SLFN12L: variants seen among roughly 807,000 people sequenced by gnomAD.
SLFN12L encodes schlafen family member 12 like.
SLFN12L carries 34 observed loss-of-function variants against 34.8 expected under a neutral mutation model. The observed-to-expected ratio is 0.98, with a 90% CI of 0.74 to 1.30. SLFN12L has a LOEUF of 1.30. SLFN12L is among the 50% of genes most tolerant of loss of function. SLFN12L has a pLI of 0.00. For missense variants in SLFN12L, 703 were observed against 696.2 expected, an observed-to-expected ratio of 1.01 and a Z score of -0.11; for synonymous variants, 259 against 247.5, an observed-to-expected ratio of 1.05 and a Z score of -0.44.
At chr17:35,501,903 G>T (rs1567671000) in intron 2 of SLFN12L, among the ~76,000 whole-genome samples, 1 of 152,040 alleles carries the variant, frequency 6.6e-6, no homozygotes, top group Non-Finnish European at 1.5e-5. Context: ...CAGTGGTTGA[G>T]AGAACAGCAG....
chr17:35,476,468 AGG>A (rs1491159528), intron 4 of SLFN12L, among the ~76,000 whole-genome samples: 134 of 87,746 alleles, frequency 1.5e-3, no homozygotes, highest in South Asian at 3.5e-3. Flanking sequence ...GAAGGAAGGA[AGG>A]AAGGAAGGAA....
intron 2 of SLFN12L, among the ~76,000 whole-genome samples, chr17:35,497,439 TAAAAAAGC>T (rs1294891004): frequency 6.6e-6 from 1 of 151,764 alleles, no homozygotes. Context: ...AATAATTTTT[TAAAAAAGC>T]AAAAAACAAA....
At chr17:35,515,126 T>A in intron 2 of SLFN12L, 1 of 628,666 alleles carries the variant, frequency 1.6e-6, no homozygotes, top group Admixed American at 1.8e-5. Flanking sequence ...TCGAAGTAGA[T>A]GCAGTACCCG....
Position 35,475,189 on chromosome 17 carries a change from C to T in SLFN12L, c.1573G>A (p.Ala525Thr), listed in dbSNP as rs761254048. The T allele has an allele frequency of 7.4e-6, 12 of 1,614,112 alleles. No homozygotes were observed. The highest frequency in any genetic ancestry group is 1.6e-4 in the Middle Eastern group (1 of 6,062). The change falls in exon 5 of 5, where the codon GCA (alanine) becomes ACA (threonine). Residue 525 changes from alanine to threonine, a missense_variant. Transcript: ENST00000628453. ...QTAQTLKQKL[A>T]KIGGYTKKVC... ...TTTTTAGTGTAACCACCAATTTTTGCCAGCTTCTGTTTTAAAGTTTGGGCA... is the reference window on the plus strand; with the variant it reads ...TTTTTAGTGTAACCACCAATTTTTGTCAGCTTCTGTTTTAAAGTTTGGGCA...
chr17:35,517,538 G>GA (rs1181363268), intron 2 of SLFN12L, among the ~76,000 whole-genome samples: 1 of 152,082 alleles, frequency 6.6e-6, no homozygotes, highest in African/African-American at 2.4e-5. Flanking sequence ...TGCAGAATTA[G>GA]AAAAAACTAC....
chr17:35,525,410 G>T (rs1328641067), intron 1 of SLFN12L, among the ~76,000 whole-genome samples: 1 of 152,198 alleles, frequency 6.6e-6, no homozygotes, highest in African/African-American at 2.4e-5. Context: ...ATAATCGTCA[G>T]ATTCACCAAG....
intron 2 of SLFN12L, among the ~76,000 whole-genome samples, chr17:35,507,764 C>T (rs1053935359): frequency 5.3e-5 from 8 of 152,222 alleles, no homozygotes; most frequent in African/African-American, 1.9e-4. Context: ...TGATAAAAAG[C>T]TTCATCACTA....
chr17:35,477,520 ACTAT>A (rs752088511), intron 4 of SLFN12L, among the ~76,000 whole-genome samples: 2 of 152,282 alleles, frequency 1.3e-5, no homozygotes, highest in Middle Eastern at 3.4e-3. Flanking sequence ...TGAAATCTGT[ACTAT>A]CTGTGACTAA....
chr17:35,497,829 T>C (rs1915142662), intron 2 of SLFN12L, among the ~76,000 whole-genome samples: 6 of 152,214 alleles, frequency 3.9e-5, no homozygotes, highest in African/African-American at 1.4e-4. Flanking sequence ...TTGATTGTCT[T>C]GTATTTTTGT....
At chr17:35,498,589 G>C in intron 2 of SLFN12L, 1 of 1,587,698 alleles carries the variant, frequency 6.3e-7, no homozygotes. Flanking sequence ...CGCTTCCATG[G>C]AATGTTTCTG....
chr17:35,520,686 C>T (rs183153779), intron 2 of SLFN12L, among the ~76,000 whole-genome samples: 233 of 151,956 alleles, frequency 1.5e-3, no homozygotes, highest in Middle Eastern at 6.8e-3. Context: ...GCAGCAGTTG[C>T]AGTGAGCCGA....
intron 2 of SLFN12L, chr17:35,498,588 G>A (rs1004676560): frequency 2.5e-6 from 4 of 1,584,998 alleles, no homozygotes; most frequent in Non-Finnish European, 2.6e-6. Flanking sequence ...CCGCTTCCAT[G>A]GAATGTTTCT....
chr17:35,493,460 TG>T (rs1421448029), intron 2 of SLFN12L, among the ~76,000 whole-genome samples: 1 of 152,230 alleles, frequency 6.6e-6, no homozygotes, highest in Non-Finnish European at 1.5e-5. Context: ...CTGGCTAGAT[TG>T]TTGTGTGTTT....
intron 2 of SLFN12L, among the ~76,000 whole-genome samples, chr17:35,509,230 G>A (rs896218788): frequency 1.3e-5 from 2 of 152,196 alleles, no homozygotes; most frequent in African/African-American, 4.8e-5. Flanking sequence ...GGATGAGGGA[G>A]AGGAAGCACC....
chr17:35,489,990 A>G, intron 2 of SLFN12L: 2 of 1,551,768 alleles, frequency 1.3e-6, no homozygotes, highest in Admixed American at 3.5e-5. Context: ...AATTGGGAAT[A>G]GAAAGAAATA....
chr17:35,532,301 G>A (rs1010557706), intron 1 of SLFN12L, among the ~76,000 whole-genome samples: 6 of 151,982 alleles, frequency 3.9e-5, no homozygotes, highest in Admixed American at 6.6e-5. Context: ...TTAGCTGGGC[G>A]TGGTGGCACA....
At chr17:35,515,412 T>C (rs1915785300) in intron 2 of SLFN12L, among the ~76,000 whole-genome samples, 1 of 152,148 alleles carries the variant, frequency 6.6e-6, no homozygotes, top group African/African-American at 2.4e-5. Flanking sequence ...TTTATATTAT[T>C]TTCTCTATGC....
chr17:35,478,711 C>A (rs9912354), intron 3 of SLFN12L, among the ~76,000 whole-genome samples: 1 of 151,852 alleles, frequency 6.6e-6, no homozygotes, highest in African/African-American at 2.4e-5. Context: ...GAAGTCTTTA[C>A]AGGAAATAAA....
intron 2 of SLFN12L, among the ~76,000 whole-genome samples, chr17:35,494,776 G>C (rs1437887797): frequency 6.6e-6 from 1 of 152,100 alleles, no homozygotes; most frequent in Non-Finnish European, 1.5e-5. Context: ...CCAGGACTGG[G>C]GTGAGGAGAG....
Sources: allele counts gnomAD v4.1 joint callset (sites outside exome capture counted in the v4.1 genomes callset), GRCh38; gene constraint gnomAD v4.1.1; transcripts MANE v1.5; gene names NCBI Gene and HGNC (gene_info 2026-07-23, HGNC 2026-07-21).